The following RAVER2 variants were observed in gnomAD, a reference collection of about 807,000 sequenced individuals.
RAVER2 encodes ribonucleoprotein PTB-binding 2.
A neutral mutation model predicts 78.1 loss-of-function variants in RAVER2; 46 were observed. The observed-to-expected ratio is 0.59, with a 90% CI of 0.46 to 0.75. The LOEUF is 0.75. Ranked by LOEUF, RAVER2 falls within the 30% of genes least tolerant of loss-of-function variation. The pLI, the probability that RAVER2 is intolerant of heterozygous loss-of-function variation, is 0.00. For missense variants in RAVER2, 793 were observed against 837.5 expected (o/e 0.95, Z 0.66); for synonymous variants, 311 against 313.3 (o/e 0.99, Z 0.08).
intron 2 of RAVER2, among the ~76,000 whole-genome samples, chr1:64,771,888 A>G (rs938945495): frequency 7.2e-6 from 1 of 138,854 alleles, no homozygotes; most frequent in Non-Finnish European, 1.5e-5. Context: ...AAAAGATGCA[A>G]TTCTTAACTA....
chr1:64,766,396 C>G (rs1652175902), intron 1 of RAVER2, among the ~76,000 whole-genome samples: 1 of 152,048 alleles, frequency 6.6e-6, no homozygotes, highest in Non-Finnish European at 1.5e-5. Context: ...GCCAACTTAC[C>G]AAGGCTCAAA....
exon 9 of RAVER2, chr1:64,807,303 G>A: frequency 6.2e-7 from 1 of 1,614,126 alleles, no homozygotes; most frequent in African/African-American, 1.3e-5. Context: ...CTGGGCCAGG[G>A]CACAGTAATA....
At chr1:64,807,954 A>T (rs1008686428) in intron 9 of RAVER2, among the ~76,000 whole-genome samples, 1 of 152,190 alleles carries the variant, frequency 6.6e-6, no homozygotes, top group African/African-American at 2.4e-5. Flanking sequence ...TTACGTAGTA[A>T]TGTTATTTGT....
In RAVER2 at chr1:64,745,533, C is replaced by G. The variant is rs1651505068; in HGVS notation, c.249+112C>G. The G allele has an allele frequency of 2.3e-6, 3 of 1,280,178 alleles. No homozygotes were observed. Among genetic ancestry groups the G allele is most frequent in the Admixed American group, 3.7e-5 (1 of 26,924 alleles). 79.3% of individuals were successfully genotyped at this position (1,280,178 alleles called of 1,614,324 possible). A position where few individuals can be genotyped will look rare whatever the true frequency, so the allele number is the denominator to read the frequency against. ...GCGGTCCTGGGGAGTGGGTCGGCGC[C>G]GAGTGGTGAGAGCGGCCCCTCGGTT... is the stretch of plus-strand genomic sequence containing the variant. On this transcript the variant is annotated intron_variant, in intron 1 of 11. Coordinates refer to ENST00000294428, the Ensembl canonical transcript of RAVER2. This position sits in a 1 kb window ranked among gnomAD's most constrained non-coding sequence, Gnocchi z 4.3.
intron 5 of RAVER2, among the ~76,000 whole-genome samples, chr1:64,794,805 A>C (rs907397301): frequency 2.6e-5 from 4 of 151,894 alleles, no homozygotes; most frequent in African/African-American, 9.7e-5. Context: ...TGAGGAGCAA[A>C]ATTTTTTATT....
intron 4 of RAVER2, among the ~76,000 whole-genome samples, chr1:64,786,807 A>G (rs1308639880): frequency 2.6e-5 from 4 of 152,152 alleles, no homozygotes; most frequent in Non-Finnish European, 5.9e-5. Flanking sequence ...AAAAAAAAAA[A>G]TACTATTTTG....
Position 64,785,713 on chromosome 1 carries a change from T to C in RAVER2, c.979-3675T>C, listed in dbSNP as rs140510685. 3.4e-4 allele frequency among the ~76,000 whole-genome samples: 52 copies of C among 152,260 alleles called. 1 individual carries two copies. The East Asian group carries it at 9.5e-3, about 28-fold the overall frequency. ...ACATGCATAGGTTTATCAGAACTTCTGTCTACTCACTTATTCTCACCTCCA... is the reference window on the plus strand; with the variant it reads ...ACATGCATAGGTTTATCAGAACTTCCGTCTACTCACTTATTCTCACCTCCA... On this transcript the variant is annotated intron_variant, in intron 4 of 11. Coordinates refer to ENST00000294428, the Ensembl canonical transcript of RAVER2.
chr1:64,771,022 T>C (rs143897235), intron 2 of RAVER2, among the ~76,000 whole-genome samples: 93 of 152,130 alleles, frequency 6.1e-4, no homozygotes, highest in African/African-American at 2.1e-3. Context: ...TGAAAAGTTT[T>C]AAAATTTTGA....
In RAVER2 at chr1:64,745,752, A is replaced by G. The variant is rs1389577239; in HGVS notation, c.249+331A>G. Reference sequence around the variant, plus strand: ...TAGGAGGTGAAGGAGAGTGGAGGTGAGTTGTGGAGCACACATTTTGCGGGG... The same window carrying G: ...TAGGAGGTGAAGGAGAGTGGAGGTGGGTTGTGGAGCACACATTTTGCGGGG... On this transcript the variant is annotated intron_variant, in intron 1 of 11. Transcript: ENST00000294428. This position sits in a 1 kb window ranked among gnomAD's most constrained non-coding sequence, Gnocchi z 4.3. Among the ~76,000 whole-genome samples the G allele has an allele frequency of 7.0e-6, 1 of 142,992 alleles. No homozygotes were observed. The highest frequency in any genetic ancestry group is 1.5e-5 in the Non-Finnish European group (1 of 65,950). The allele number at this position is 142,992 out of a possible 152,430, so 93.8% of individuals were successfully genotyped here.
chr1:64,804,210 C>A (rs1653348173), intron 6 of RAVER2, among the ~76,000 whole-genome samples: 1 of 152,184 alleles, frequency 6.6e-6, no homozygotes, highest in South Asian at 2.1e-4. Context: ...CTCCAAGAAA[C>A]CTTCCTTGAA....
At chr1:64,768,600 A>T in intron 1 of RAVER2, 56 bp from the exon 2 acceptor site, 1 of 1,108,188 alleles carries the variant, frequency 9.0e-7, no homozygotes, top group Non-Finnish European at 1.4e-6. Context: ...ATAGAGCTAG[A>T]TTATCTAGTA....
intron 11 of RAVER2, chr1:64,816,533 G>A (rs899502128): frequency 2.6e-5 from 4 of 152,206 alleles, no homozygotes; most frequent in African/African-American, 7.2e-5. Context: ...AAAGGTGGTC[G>A]TGTATTAGGA....
chr1:64,803,028 T>C, exon 6 of RAVER2: 1 of 1,608,232 alleles, frequency 6.2e-7, no homozygotes, highest in South Asian at 1.1e-5. Context: ...CATCCATCTC[T>C]CCTGCATTTT....
chr1:64,829,894 T>G (rs1444968016), intron 11 of RAVER2, among the ~76,000 whole-genome samples: 1 of 152,158 alleles, frequency 6.6e-6, no homozygotes, highest in Non-Finnish European at 1.5e-5. Flanking sequence ...AGTCTTGTCA[T>G]CCCTCTAACA....
chr1:64,799,680 A>T (rs985431568), intron 5 of RAVER2, among the ~76,000 whole-genome samples: 36 of 152,252 alleles, frequency 2.4e-4, no homozygotes, highest in African/African-American at 8.7e-4. Flanking sequence ...ACCTCCAGTG[A>T]TCAACTCACC....
exon 12 of RAVER2, chr1:64,832,035 A>G (rs1248835061): frequency 2.0e-5 from 3 of 152,542 alleles, no homozygotes; most frequent in Admixed American, 1.3e-4. Flanking sequence ...ATTCCTTTCA[A>G]TTCACCTAAA....
intron 2 of RAVER2, among the ~76,000 whole-genome samples, chr1:64,769,159 TA>T (rs1479570784): frequency 1.3e-5 from 2 of 152,188 alleles, no homozygotes; most frequent in East Asian, 1.9e-4. Flanking sequence ...TGCAGCTGTT[TA>T]AAAGCATCCT....
chr1:64,805,013 C>T (rs1301468290), exon 8 of RAVER2: 8 of 1,613,908 alleles, frequency 5.0e-6, no homozygotes, highest in Non-Finnish European at 6.8e-6. Context: ...CTTGGAGAGC[C>T]CCCAGCTGTG....
rs549900451 is a variant in RAVER2, at chr1:64,812,138, A to G, written c.1681-600A>G. ...CCAACACTTTGGCCAAGGCGGGGGC[A>G]TCACGAAGGTCAGGAGTTCAAGATC... On this transcript the variant is annotated intron_variant, in intron 9 of 11. Coordinates refer to ENST00000294428, the Ensembl canonical transcript of RAVER2. 3.3e-4 allele frequency among the ~76,000 whole-genome samples: 50 copies of G among 152,172 alleles called. 1 individual carries two copies. The South Asian group carries it at 0.01, about 31-fold the overall frequency.
Sources: allele counts gnomAD v4.1 joint callset (sites outside exome capture counted in the v4.1 genomes callset), GRCh38; gene constraint gnomAD v4.1.1; non-coding constraint Gnocchi (gnomAD v3.1); transcripts MANE v1.5; gene names NCBI Gene and HGNC (gene_info 2026-07-23, HGNC 2026-07-21).